The following DOCK4 variants were observed in gnomAD, a reference collection of about 807,000 sequenced individuals.
DOCK4 encodes the protein dedicator of cytokinesis 4, also known as dedicator of cytokinesis protein 4.
Under a neutral mutation model 268.1 loss-of-function variants are expected in DOCK4, and 97 were observed. The observed-to-expected ratio is 0.36, with a 90% CI of 0.31 to 0.43. The LOEUF is 0.43. Among genes scored for constraint, DOCK4 ranks in the 20% least tolerant of loss-of-function variants. DOCK4 has a pLI of 1.00. For missense variants in DOCK4, 2,145 were observed against 2,455.7 expected, an observed-to-expected ratio of 0.87 and a Z score of 2.67; for synonymous variants, 954 against 887.2, an observed-to-expected ratio of 1.08 and a Z score of -1.34.
intron 13 of DOCK4, among the ~76,000 whole-genome samples, chr7:111,913,283 A>G (rs1381250686): frequency 6.6e-6 from 1 of 151,678 alleles, no homozygotes; most frequent in Non-Finnish European, 1.5e-5. Flanking sequence ...TTAACATTGG[A>G]GGTGGGCCAG....
intron 1 of DOCK4, among the ~76,000 whole-genome samples, chr7:112,186,989 T>C (rs1819538342): frequency 6.6e-6 from 1 of 151,782 alleles, no homozygotes; most frequent in South Asian, 2.1e-4. Flanking sequence ...TTGTTTCTCT[T>C]TTTTTTTAAG....
intron 30 of DOCK4, among the ~76,000 whole-genome samples, chr7:111,795,653 C>T (rs191087418): frequency 1.5e-4 from 23 of 152,222 alleles, no homozygotes; most frequent in Middle Eastern, 3.4e-3. Flanking sequence ...TTTTGATCTT[C>T]GACTTTGTCA....
At chr7:111,746,841 T>A (rs1381082484) in intron 43 of DOCK4, among the ~76,000 whole-genome samples, 30 of 87,786 alleles carry the variant, frequency 3.4e-4, no homozygotes, top group South Asian at 2.0e-3. Flanking sequence ...TTTTTTTTTT[T>A]AAATAAGAGA....
chr7:111,918,387 G>C (rs1045900910), intron 12 of DOCK4, among the ~76,000 whole-genome samples: 1 of 152,126 alleles, frequency 6.6e-6, no homozygotes, highest in Non-Finnish European at 1.5e-5. Context: ...TTAGGTGACC[G>C]ATGACAATAA....
chr7:111,800,204 G>T (rs1459449721), intron 30 of DOCK4, among the ~76,000 whole-genome samples: 7 of 149,080 alleles, frequency 4.7e-5, no homozygotes, highest in Non-Finnish European at 8.9e-5. Context: ...GAAAGATTTT[G>T]TATGGTAAAT....
In DOCK4 at chr7:111,728,497, A is replaced by T. The variant is rs777104491; in HGVS notation, c.5705T>A (p.Val1902Glu). 5 of 1,613,146 alleles carry T rather than the reference A, an allele frequency of 3.1e-6. No individual in the cohort carries two copies. In the African/African-American group the frequency reaches 6.7e-5, roughly 22 times the overall value. ...PVPSYGGEEP[V>E]RKESKTPPPY... ...GGGCGGAGTCTTGCTCTCCTTGCGC[A>T]CTGGCTCCTCCCCGCCGTAGCTCGG... Residue 1902 changes from valine (V) to glutamate (E), a missense_variant, in exon 53 of 53, where the codon GTG becomes GAG. By Grantham distance (121) the Val-to-Glu change is moderately radical. Coordinates refer to ENST00000428084, the MANE Select transcript of DOCK4 (RefSeq NM_001363540.2).
intron 13 of DOCK4, among the ~76,000 whole-genome samples, chr7:111,905,533 G>C (rs1207547216): frequency 6.6e-6 from 1 of 152,172 alleles, no homozygotes; most frequent in East Asian, 1.9e-4. Flanking sequence ...ACCTAGATGG[G>C]TAAGAGTTTC....
At chr7:111,804,913 T>G (rs1290501797) in intron 30 of DOCK4, among the ~76,000 whole-genome samples, 2 of 152,198 alleles carry the variant, frequency 1.3e-5, no homozygotes, top group African/African-American at 4.8e-5. Flanking sequence ...ATGTACATTT[T>G]ATTTGTATTT....
chr7:112,111,138 G>C (rs1811613168), intron 1 of DOCK4, among the ~76,000 whole-genome samples: 1 of 152,156 alleles, frequency 6.6e-6, no homozygotes, highest in Non-Finnish European at 1.5e-5. Context: ...ATCACATCTG[G>C]GGCCTCTGGT....
Position 111,864,606 on chromosome 7 carries a change from T to C in DOCK4, c.2281-1042A>G, listed in dbSNP as rs76532710. On this transcript the variant is annotated intron_variant, in intron 22 of 52. Transcript: ENST00000428084. ...TATTTATACAGCAGCAGCAAAAATA[T>C]CTAGAAGAGCCAAGATCTGTTTTTG... Among the ~76,000 whole-genome samples, 1,424 of 152,298 alleles carry C rather than the reference T, an allele frequency of 9.4e-3. 62 individuals carry two copies. In the East Asian group the frequency reaches 0.11, roughly 12 times the overall value.
At chr7:112,016,082 T>C (rs1012091547) in intron 1 of DOCK4, among the ~76,000 whole-genome samples, 1 of 152,374 alleles carries the variant, frequency 6.6e-6, no homozygotes, top group Non-Finnish European at 1.5e-5. Flanking sequence ...CCATAACTTA[T>C]ACTATTAACT....
intron 8 of DOCK4, among the ~76,000 whole-genome samples, chr7:111,951,113 T>C (rs1796014781): frequency 6.6e-6 from 1 of 152,214 alleles, no homozygotes; most frequent in African/African-American, 2.4e-5. Context: ...GACTATTTCT[T>C]TGGAAATAAA....
At chr7:111,885,171 G>C (rs1586265655) in intron 16 of DOCK4, among the ~76,000 whole-genome samples, 1 of 152,162 alleles carries the variant, frequency 6.6e-6, no homozygotes, top group African/African-American at 2.4e-5. Context: ...ATAGTGGTTG[G>C]GTGCTTAAAT....
chr7:112,188,039 G>C (rs1034337808), intron 1 of DOCK4, among the ~76,000 whole-genome samples: 1 of 152,184 alleles, frequency 6.6e-6, no homozygotes, highest in African/African-American at 2.4e-5. Flanking sequence ...GTTAAGGACA[G>C]AAAGACTTAG....
chr7:112,134,007 T>C (rs187062338), intron 1 of DOCK4, among the ~76,000 whole-genome samples: 47 of 152,286 alleles, frequency 3.1e-4, no homozygotes, highest in Admixed American at 3.1e-3. Context: ...TCAGATTAGC[T>C]ATTATTTGGT....
At position 111,795,905 on chromosome 7, in the gene DOCK4, T is replaced by G. The variant is rs143778427; in HGVS notation, c.3167-5300A>C. Reference sequence around the variant, plus strand: ...AACTACCTTCTATCTTGAAGATACATAGAGGGCTTTGTATCAACTTCTCAA... The same window carrying G: ...AACTACCTTCTATCTTGAAGATACAGAGAGGGCTTTGTATCAACTTCTCAA... On this transcript the variant is annotated intron_variant, in intron 30 of 52. Coordinates refer to ENST00000428084, the MANE Select transcript of DOCK4 (RefSeq NM_001363540.2). Among the ~76,000 whole-genome samples the G allele has an allele frequency of 1.8e-3, 275 of 152,312 alleles. 2 individuals carry two copies. Among genetic ancestry groups the G allele is most frequent in the African/African-American group, 6.3e-3 (262 of 41,556 alleles).
At chr7:111,763,361 G>A (rs563351121) in intron 39 of DOCK4, among the ~76,000 whole-genome samples, 5 of 152,224 alleles carry the variant, frequency 3.3e-5, no homozygotes, top group Admixed American at 1.3e-4. Context: ...AGAGTGTAGT[G>A]CCCTTTAGAA....
At chr7:112,139,516 T>C (rs1814687875) in intron 1 of DOCK4, among the ~76,000 whole-genome samples, 1 of 152,148 alleles carries the variant, frequency 6.6e-6, no homozygotes, top group Admixed American at 6.6e-5. Context: ...TATCCAAGAA[T>C]AACCTTATCA....
chr7:111,816,292 T>C (rs1362488432), intron 27 of DOCK4, among the ~76,000 whole-genome samples: 3 of 152,198 alleles, frequency 2.0e-5, no homozygotes, highest in Admixed American at 6.5e-5. Flanking sequence ...TATTGATGTT[T>C]ATACAATGAA....
Sources: allele counts gnomAD v4.1 joint callset (sites outside exome capture counted in the v4.1 genomes callset), GRCh38; gene constraint gnomAD v4.1.1; transcripts MANE v1.5; gene names NCBI Gene and HGNC (gene_info 2026-07-23, HGNC 2026-07-21).